Variants in TANC2 observed in about 807,000 individuals in gnomAD.
TANC2 encodes protein TANC2.
A neutral mutation model predicts 210.5 loss-of-function variants in TANC2; 26 were observed. That is an observed-to-expected ratio of 0.12 (90% CI 0.09 to 0.17). TANC2 has a LOEUF of 0.17. Among genes scored for constraint, TANC2 ranks in the 10% least tolerant of loss-of-function variants. The pLI is 1.00. For synonymous variants in TANC2, 931 were observed against 967.1 expected (o/e 0.96, Z 0.69); for missense variants, 2,129 against 2,608.9 (o/e 0.82, Z 4.01).
intron 4 of TANC2, among the ~76,000 whole-genome samples, chr17:63,143,694 T>A (rs1346419643): frequency 6.6e-6 from 1 of 152,204 alleles, no homozygotes; most frequent in Admixed American, 6.5e-5. Context: ...GCTGTGTCAC[T>A]ATTAGTATAT....
intron 2 of TANC2, among the ~76,000 whole-genome samples, chr17:63,041,085 A>G (rs558005690): frequency 6.6e-6 from 1 of 152,296 alleles, no homozygotes; most frequent in South Asian, 2.1e-4. Context: ...CAAAAATAAT[A>G]AGGATTCAGC....
At chr17:63,187,369 A>G (rs2041025734) in intron 5 of TANC2, among the ~76,000 whole-genome samples, 1 of 152,222 alleles carries the variant, frequency 6.6e-6, no homozygotes, top group South Asian at 2.1e-4. Context: ...TTTGATGATT[A>G]AATTAGTTAA....
intron 26 of TANC2, among the ~76,000 whole-genome samples, chr17:63,416,191 G>A (rs557876044): frequency 2.5e-3 from 385 of 152,206 alleles, no homozygotes; most frequent in Non-Finnish European, 4.6e-3. Flanking sequence ...CTTGTCCTAG[G>A]GGGAATCTCA....
chr17:63,041,045 G>A (rs1240556549), intron 2 of TANC2, among the ~76,000 whole-genome samples: 3 of 152,134 alleles, frequency 2.0e-5, no homozygotes, highest in African/African-American at 7.2e-5. Flanking sequence ...CTGCCACTGT[G>A]TTGGATTACC....
At chr17:63,369,286 C>T (rs1397329558) in intron 14 of TANC2, among the ~76,000 whole-genome samples, 1 of 152,208 alleles carries the variant, frequency 6.6e-6, no homozygotes, top group Admixed American at 6.5e-5. Context: ...GAACTTCCCT[C>T]TTTCACCTTT....
At chr17:63,411,847 A>T (rs1047109297) in intron 22 of TANC2, 151 bp from the exon 23 acceptor site, 3 of 1,401,542 alleles carry the variant, frequency 2.1e-6, no homozygotes, top group Non-Finnish European at 2.9e-6. Flanking sequence ...GCTGTTAAAG[A>T]TCAAGGATAT....
intron 4 of TANC2, among the ~76,000 whole-genome samples, chr17:63,112,445 T>TA (rs2145046433): frequency 6.6e-6 from 1 of 152,242 alleles, no homozygotes; most frequent in East Asian, 1.9e-4. Context: ...GGTCACTGTG[T>TA]AAGGTAATGT....
At chr17:63,079,385 A>G (rs1598363818) in intron 3 of TANC2, among the ~76,000 whole-genome samples, 2 of 152,130 alleles carry the variant, frequency 1.3e-5, no homozygotes, top group Non-Finnish European at 1.5e-5. Flanking sequence ...GTTTTCTTCC[A>G]CAGTTTGCCC....
chr17:63,384,192 C>T (rs1160008457), intron 15 of TANC2, among the ~76,000 whole-genome samples: 2 of 152,102 alleles, frequency 1.3e-5, no homozygotes, highest in East Asian at 3.9e-4. Context: ...ACCTCAGCCT[C>T]CCAAGTAGCT....
intron 2 of TANC2, among the ~76,000 whole-genome samples, chr17:63,061,279 G>GT (rs1173037117): frequency 2.6e-5 from 4 of 151,396 alleles, no homozygotes; most frequent in Admixed American, 2.6e-4. Flanking sequence ...AGGCAGGAGA[G>GT]TTGCTTGAAT....
intron 24 of TANC2, 155 bp from the exon 25 acceptor site, chr17:63,413,388 T>TA (rs1314298834): frequency 1.8e-6 from 1 of 545,872 alleles, no homozygotes; most frequent in African/African-American, 1.9e-5. Context: ...CAGTGGGAGT[T>TA]ACTAAAATAC....
chr17:62,982,197 A>G (rs1351645895), intron 1 of TANC2, among the ~76,000 whole-genome samples: 1 of 152,164 alleles, frequency 6.6e-6, no homozygotes, highest in Non-Finnish European at 1.5e-5. Flanking sequence ...CAGACTATTT[A>G]GGGACCTATC....
At chr17:63,257,785 C>T (rs2043240034) in intron 8 of TANC2, among the ~76,000 whole-genome samples, 1 of 152,162 alleles carries the variant, frequency 6.6e-6, no homozygotes, top group African/African-American at 2.4e-5. Context: ...CTTCATCTCC[C>T]CTGCTTTTTA....
intron 8 of TANC2, among the ~76,000 whole-genome samples, chr17:63,240,385 C>T (rs1415783476): frequency 6.6e-6 from 1 of 152,158 alleles, no homozygotes; most frequent in East Asian, 1.9e-4. Context: ...TTAACATCAA[C>T]ATTGTGTATT....
intron 9 of TANC2, among the ~76,000 whole-genome samples, chr17:63,299,586 C>T (rs1264394755): frequency 2.2e-5 from 3 of 137,408 alleles, no homozygotes; most frequent in South Asian, 2.3e-4. Flanking sequence ...TCTTCTTTTG[C>T]GAAGTGTCTG....
intron 4 of TANC2, chr17:63,150,095 TA>T (rs2039596281): frequency 6.6e-6 from 1 of 152,156 alleles, no homozygotes; most frequent in South Asian, 2.1e-4. Context: ...AGTTGTATAT[TA>T]CTTTTTACAG....
chr17:63,111,598 T>G (rs2038047671), intron 4 of TANC2, among the ~76,000 whole-genome samples: 1 of 152,232 alleles, frequency 6.6e-6, no homozygotes, highest in South Asian at 2.1e-4. Flanking sequence ...TCTTCATCTT[T>G]GATTATTTCC....
At chr17:63,370,327 C>T (rs1016040307) in intron 14 of TANC2, among the ~76,000 whole-genome samples, 1 of 152,004 alleles carries the variant, frequency 6.6e-6, no homozygotes, top group Admixed American at 6.5e-5. Context: ...TACAGGCATC[C>T]GCCACCACTC....
At chr17:63,176,996 G>A (rs1437458070) in intron 5 of TANC2, among the ~76,000 whole-genome samples, 3 of 151,890 alleles carry the variant, frequency 2.0e-5, no homozygotes. Flanking sequence ...GGGCACGGTG[G>A]CTCACACCTG....
Sources: allele counts gnomAD v4.1 joint callset (sites outside exome capture counted in the v4.1 genomes callset), GRCh38; gene constraint gnomAD v4.1.1; transcripts MANE v1.5; gene names NCBI Gene and HGNC (gene_info 2026-07-23, HGNC 2026-07-21).